Variants in IDE observed in about 807,000 individuals in gnomAD.
The protein encoded by IDE is insulin-degrading enzyme.
In IDE, 58 loss-of-function variants were observed where a neutral mutation model predicts 133.2. That is an observed-to-expected ratio of 0.44 (90% CI 0.35 to 0.54). IDE has a LOEUF of 0.54. Ranked by LOEUF, IDE falls within the 20% of genes least tolerant of loss-of-function variation. IDE has a pLI of 0.00. For synonymous variants in IDE, 396 were observed against 421.3 expected, an observed-to-expected ratio of 0.94 and a Z score of 0.73; for missense variants, 981 against 1,234.0, an observed-to-expected ratio of 0.79 and a Z score of 3.07.
At chr10:92,562,831 T>C (rs1843341639) in intron 1 of IDE, among the ~76,000 whole-genome samples, 1 of 152,230 alleles carries the variant, frequency 6.6e-6, no homozygotes, top group Non-Finnish European at 1.5e-5. Context: ...AAATTTCAAA[T>C]TTACTTCCTC....
At chr10:92,468,015 T>C (rs1399450972) in intron 19 of IDE, among the ~76,000 whole-genome samples, 1 of 152,192 alleles carries the variant, frequency 6.6e-6, no homozygotes, top group Admixed American at 6.5e-5. Context: ...GCTAAGTAGC[T>C]TGAATAGGGA....
Position 92,487,836 on chromosome 10 carries a change from G to A in IDE, c.1534-518C>T, listed in dbSNP as rs534394913. On this transcript the variant is annotated intron_variant, in intron 12 of 24. Transcript: ENST00000265986. ...CTTCCTGAGACAGTCTTGCTCTGCC[G>A]CCCAGGCTGGAGTGCAGTGGCATGA... Among the ~76,000 whole-genome samples, 6 of 152,196 alleles carry A rather than the reference G, an allele frequency of 3.9e-5. No individual in the cohort carries two copies. The East Asian group carries it at 5.8e-4, about 15-fold the overall frequency.
At chr10:92,541,703 G>C (rs1842315248) in intron 1 of IDE, among the ~76,000 whole-genome samples, 2 of 152,092 alleles carry the variant, frequency 1.3e-5, no homozygotes, top group African/African-American at 4.8e-5. Context: ...ATTCTGCTCA[G>C]AATTTAAAAC....
rs200517884 is a variant in IDE at position 92,530,226 on chromosome 10, C to CAATAAATAAATAAATAAATA, written c.661+1502_661+1521dup. Among the ~76,000 whole-genome samples the CAATAAATAAATAAATAAATA allele has an allele frequency of 4.0e-4, 60 of 149,734 alleles. 2 individuals carry two copies. The highest frequency in any genetic ancestry group is 2.8e-3 in the East Asian group (14 of 5,076). On this transcript the variant is annotated intron_variant, in intron 4 of 24. Transcript: ENST00000265986. ...GGGTGATAAGAGCCAGACTCCGTCT[C>CAATAAATAAATAAATAAATA]AATAAATAAATAAATAAATAAATAA...
chr10:92,562,092 G>A (rs1383295983), intron 1 of IDE, among the ~76,000 whole-genome samples: 2 of 152,190 alleles, frequency 1.3e-5, no homozygotes, highest in Admixed American at 1.3e-4. Flanking sequence ...TGCCAGGCAG[G>A]AATGTGGGCC....
At chr10:92,512,313 C>T (rs1354515443) in intron 5 of IDE, among the ~76,000 whole-genome samples, 1 of 152,168 alleles carries the variant, frequency 6.6e-6, no homozygotes, top group Non-Finnish European at 1.5e-5. Flanking sequence ...CAGTTTCCTC[C>T]TCATACCTCT....
Position 92,470,375 on chromosome 10 carries a change from G to A in IDE, c.2117-30C>T, listed in dbSNP as rs560967663. On this transcript the variant is annotated intron_variant, in intron 17 of 24. Coordinates refer to ENST00000265986, the MANE Select transcript of IDE (RefSeq NM_004969.4). ...AAAGGTGTAAGAAGACATAGTGAGC[G>A]CTACCTATGAGGGATTTTTTGTTTG... is the stretch of plus-strand genomic sequence containing the variant. The A allele has an allele frequency of 2.5e-5, 36 of 1,429,862 alleles. No homozygotes were observed. In the East Asian group the frequency reaches 7.2e-4, roughly 29 times the overall value. The allele number at this position is 1,429,862 out of a possible 1,614,324, so 88.6% of individuals were successfully genotyped here.
intron 22 of IDE, among the ~76,000 whole-genome samples, chr10:92,457,125 T>C (rs998847742): frequency 6.6e-6 from 1 of 152,004 alleles, no homozygotes; most frequent in Non-Finnish European, 1.5e-5. Flanking sequence ...AGCCTAGTAC[T>C]CACTGGGATG....
At chr10:92,484,224 A>C (rs949380311) in intron 13 of IDE, among the ~76,000 whole-genome samples, 1 of 151,968 alleles carries the variant, frequency 6.6e-6, no homozygotes, top group African/African-American at 2.4e-5. Context: ...CATCCTGGCC[A>C]ACATGGTGAA....
Position 92,506,602 on chromosome 10 carries a change from G to C in IDE, c.1246-80C>G, listed in dbSNP as rs1848305668. ...TTTTTTTTTTTTAAGTGTTTGGCTTGCACTATAAGCTTTCTACTCCATATT... is the reference window on the plus strand; with the variant it reads ...TTTTTTTTTTTTAAGTGTTTGGCTTCCACTATAAGCTTTCTACTCCATATT... On this transcript the variant is annotated intron_variant, in intron 9 of 24. Transcript: ENST00000265986. 7.5e-6 allele frequency: 5 copies of C among 663,536 alleles called. No individual in the cohort carries two copies. The South Asian group carries it at 9.8e-5, about 13-fold the overall frequency. The allele number at this position is 663,536 out of a possible 1,614,324, so 41.1% of individuals were successfully genotyped here.
intron 16 of IDE, 31 bp from the exon 17 acceptor site, chr10:92,474,992 T>C: frequency 6.4e-7 from 1 of 1,560,420 alleles, no homozygotes; most frequent in Non-Finnish European, 8.7e-7. Flanking sequence ...TCATTAATTT[T>C]ATAAATCTTT....
chr10:92,543,719 TTA>T (rs1462513099), intron 1 of IDE, among the ~76,000 whole-genome samples: 1 of 152,208 alleles, frequency 6.6e-6, no homozygotes, highest in Non-Finnish European at 1.5e-5. Flanking sequence ...AAATGTTGTT[TTA>T]GTTTGATGCA....
At position 92,510,095 on chromosome 10, in the gene IDE, T is replaced by G; in HGVS notation, c.852A>C (p.Pro284=). The G allele has an allele frequency of 6.2e-7, 1 of 1,606,754 alleles. No homozygotes were observed. The highest frequency in any genetic ancestry group is 8.5e-7 in the Non-Finnish European group (1 of 1,174,560). ...AAGGGTGTTCAGGAAATTCTGGCAA[T>G]GGAACATTTTTGTTCTCTACTTCAG... ...LFSEVENKNV[P]LPEFPEHPFQ... is the part of the protein sequence containing the mutation. Residue 284 remains proline, a synonymous_variant, in exon 6 of 25, where the codon CCA becomes CCC. Transcript: ENST00000265986.
At chr10:92,506,568 G>C in intron 9 of IDE, 46 bp from the exon 10 acceptor site, 19 of 827,710 alleles carry the variant, frequency 2.3e-5, no homozygotes, top group Non-Finnish European at 2.7e-5. Flanking sequence ...CCCTTATTTA[G>C]AAACCTTTTT....
At position 92,515,857 on chromosome 10, in the gene IDE, G is replaced by A. The variant is rs1848891493; in HGVS notation, c.662-815C>T. ...TTACAGGCCTGAGCCACCAAGCCCG[G>A]CCTAAAAGTGTCTTATAAAAATTAT... is the stretch of plus-strand genomic sequence containing the variant. On this transcript the variant is annotated intron_variant, in intron 4 of 24. Coordinates refer to ENST00000265986, the MANE Select transcript of IDE (RefSeq NM_004969.4). Among the ~76,000 whole-genome samples the A allele has an allele frequency of 3.4e-5, 5 of 148,368 alleles. No homozygotes were observed. The Admixed American group carries it at 3.4e-4, about 10-fold the overall frequency.
chr10:92,559,973 G>A lies in IDE; in HGVS notation c.98+13949C>T, dbSNP rs116875838. Among the ~76,000 whole-genome samples the A allele has an allele frequency of 7.3e-3, 1,106 of 152,190 alleles. 4 individuals are homozygous for A. The highest frequency in any genetic ancestry group is 0.011 in the Non-Finnish European group (749 of 68,010). On this transcript the variant is annotated intron_variant, in intron 1 of 24. Transcript: ENST00000265986. ...GCTAGTTTCCAACTCTTGGACTCAA[G>A]CAATCCTCCTGCCTCAGTCTGGGAG...
At chr10:92,550,703 C>T (rs777743226) in intron 1 of IDE, among the ~76,000 whole-genome samples, 2 of 143,074 alleles carry the variant, frequency 1.4e-5, no homozygotes, top group African/African-American at 5.1e-5. Flanking sequence ...AACCCCGTTT[C>T]TACTAAAAAT....
At chr10:92,542,833 A>AC (rs1218775892) in intron 1 of IDE, among the ~76,000 whole-genome samples, 18 of 152,344 alleles carry the variant, frequency 1.2e-4, no homozygotes, top group Admixed American at 9.8e-4. Context: ...ATGGACTAAG[A>AC]CATGTAAAGG....
At chr10:92,527,885 A>G (rs879483903) in intron 4 of IDE, among the ~76,000 whole-genome samples, 4 of 152,152 alleles carry the variant, frequency 2.6e-5, no homozygotes, top group Non-Finnish European at 4.4e-5. Flanking sequence ...GCGTGGTGGC[A>G]CGTGCCTGTA....
Sources: gnomAD v4.1 joint callset for allele counts (sites outside exome capture counted in the v4.1 genomes callset) on GRCh38, gnomAD v4.1.1 for gene constraint, MANE v1.5 for transcripts, NCBI Gene and HGNC (gene_info 2026-07-23, HGNC 2026-07-21) for gene names.